Variants in RALY observed in about 807,000 individuals in gnomAD.
The protein encoded by RALY is RNA-binding protein Raly.
RALY carries 15 observed loss-of-function variants against 30.7 expected under a neutral mutation model. That is an observed-to-expected ratio of 0.49 (90% CI 0.33 to 0.75). The LOEUF is 0.75. RALY is among the 30% of genes least tolerant of loss of function. RALY has a pLI of 0.02. For synonymous variants in RALY, 177 were observed against 170.8 expected (o/e 1.04, Z -0.28); for missense variants, 339 against 414.3 (o/e 0.82, Z 1.58).
At chr20:34,038,640 T>C (rs1242969364) in intron 2 of RALY, among the ~76,000 whole-genome samples, 1 of 152,144 alleles carries the variant, frequency 6.6e-6, no homozygotes, top group Non-Finnish European at 1.5e-5. Flanking sequence ...ATAAAAGATA[T>C]CTGTGGTATA....
chr20:34,041,856 A>T (rs2032713196), intron 2 of RALY, among the ~76,000 whole-genome samples: 1 of 152,174 alleles, frequency 6.6e-6, no homozygotes, highest in African/African-American at 2.4e-5. Context: ...TGTAATTGCC[A>T]GCACTTTGGG....
chr20:34,003,858 C>T (rs1311490724), intron 1 of RALY, among the ~76,000 whole-genome samples: 1 of 151,984 alleles, frequency 6.6e-6, no homozygotes, highest in Non-Finnish European at 1.5e-5. Flanking sequence ...CCGGGATGGT[C>T]TCGATCTCCT....
At chr20:34,072,639 AC>A (rs920254100) in intron 3 of RALY, among the ~76,000 whole-genome samples, 2 of 152,184 alleles carry the variant, frequency 1.3e-5, no homozygotes, top group African/African-American at 4.8e-5. Context: ...ACAGCCTGTT[AC>A]ACCGGGTACA....
At position 34,047,457 on chromosome 20, in the gene RALY, G is replaced by A. The variant is rs180770537; in HGVS notation, c.-10+15853G>A. Among the ~76,000 whole-genome samples the A allele has an allele frequency of 1.6e-4, 24 of 152,296 alleles. No homozygotes were observed. In the East Asian group the frequency reaches 4.1e-3, roughly 26 times the overall value. On this transcript the variant is annotated intron_variant, in intron 2 of 9. Coordinates refer to ENST00000246194, the MANE Select transcript of RALY (RefSeq NM_016732.3). ...CATTGAATGGAAGGACTGGTGATGC[G>A]CAGCCACTCTTGCATGTGCCCGGGC...
intron 1 of RALY, among the ~76,000 whole-genome samples, chr20:34,010,136 T>G (rs1261789009): frequency 6.6e-6 from 1 of 152,150 alleles, no homozygotes; most frequent in Admixed American, 6.5e-5. Flanking sequence ...CAATCCCTAT[T>G]ATATATTTGT....
At chr20:34,043,885 C>T (rs1181056149) in intron 2 of RALY, among the ~76,000 whole-genome samples, 2 of 151,962 alleles carry the variant, frequency 1.3e-5, no homozygotes, top group Non-Finnish European at 2.9e-5. Context: ...TAGGCTAGAG[C>T]GATAATCACT....
At chr20:34,066,764 C>G (rs2033585236) in intron 2 of RALY, among the ~76,000 whole-genome samples, 1 of 151,998 alleles carries the variant, frequency 6.6e-6, no homozygotes, top group African/African-American at 2.4e-5. Flanking sequence ...CTCATCACTC[C>G]CAAAGCCCCA....
chr20:34,082,137 C>T lies in RALY; in HGVS notation c.*2232C>T, dbSNP rs2122355798. 6.6e-6 allele frequency: 1 copy of T among 152,476 alleles called. No homozygotes were observed. The highest frequency in any genetic ancestry group is 1.9e-4 in the East Asian group (1 of 5,184). 9.4% of individuals were successfully genotyped at this position (152,476 alleles called of 1,614,324 possible). On this transcript the variant is annotated 3_prime_UTR_variant, in exon 10 of 10. Coordinates refer to ENST00000246194, the MANE Select transcript of RALY (RefSeq NM_016732.3). Reference sequence around the variant, plus strand: ...AGGAGTGCCTCATCTCCCTGAAGAGCTCTCAGTGGAACATACTTCACCCAT... The same window carrying T: ...AGGAGTGCCTCATCTCCCTGAAGAGTTCTCAGTGGAACATACTTCACCCAT...
At position 34,025,659 on chromosome 20, in the gene RALY, C is replaced by A. The variant is rs184883055; in HGVS notation, c.-92-5863C>A. On this transcript the variant is annotated intron_variant, in intron 1 of 9. Transcript: ENST00000246194. ...CCTGGAGCTTGCTTATTCTAAACAACAAGAGTTCTGTAGGGACATGCTATT... is the reference window on the plus strand; with the variant it reads ...CCTGGAGCTTGCTTATTCTAAACAAAAAGAGTTCTGTAGGGACATGCTATT... Among the ~76,000 whole-genome samples, 243 of 150,014 alleles carry A rather than the reference C, an allele frequency of 1.6e-3. 3 individuals are homozygous for A. Among genetic ancestry groups the A allele is most frequent in the Non-Finnish European group, 2.7e-3 (185 of 67,564 alleles).
intron 2 of RALY, among the ~76,000 whole-genome samples, chr20:34,061,658 T>C (rs2033421060): frequency 6.6e-6 from 1 of 152,224 alleles, no homozygotes; most frequent in Non-Finnish European, 1.5e-5. Flanking sequence ...TTTTGGGGAT[T>C]ATTTGATGGT....
chr20:34,078,795 C>A (rs757106758), intron 9 of RALY, among the ~76,000 whole-genome samples: 4 of 152,156 alleles, frequency 2.6e-5, no homozygotes, highest in Non-Finnish European at 4.4e-5. Flanking sequence ...AGCAAGGGTT[C>A]CTTCCCTCAG....
At chr20:34,007,820 C>CAAAAAAAAAAAAA (rs10649045) in intron 1 of RALY, among the ~76,000 whole-genome samples, 1 of 101,608 alleles carries the variant, frequency 9.8e-6, no homozygotes, top group African/African-American at 3.5e-5. Flanking sequence ...AACTCCGTCT[C>CAAAAAAAAAAAAA]AAAAAAAAAA....
rs1601385960 is a variant in RALY at position 33,995,146 on chromosome 20, T to C, written c.-93+1015T>C. The stretch of plus-strand genomic sequence containing the variant: ...CCCTGACTTCTGGGCCGTTGTCCAC[T>C]ATACTGTGGATGAAATCCCATTCTG... On this transcript the variant is annotated intron_variant, in intron 1 of 9. Coordinates refer to ENST00000246194, the MANE Select transcript of RALY (RefSeq NM_016732.3). Among the ~76,000 whole-genome samples, 8 of 152,350 alleles carry C rather than the reference T, an allele frequency of 5.3e-5. 1 individual carries two copies. In the South Asian group the frequency reaches 1.7e-3, roughly 32 times the overall value.
chr20:34,072,959 T>TGTGTGTGTGTGTGTGAGA (rs142692706), intron 3 of RALY, among the ~76,000 whole-genome samples: 17 of 148,892 alleles, frequency 1.1e-4, no homozygotes, highest in African/African-American at 4.0e-4. Context: ...TGTGTGTGTG[T>TGTGTGTGTGTGTGTGAGA]GAGAGAGAGA....
intron 2 of RALY, among the ~76,000 whole-genome samples, chr20:34,041,133 A>G (rs943819665): frequency 1.3e-5 from 2 of 152,200 alleles, no homozygotes; most frequent in Non-Finnish European, 2.9e-5. Context: ...AGTGAAAAGT[A>G]TATTTGTCCT....
In RALY at chr20:33,999,136, A is replaced by G. The variant is rs547955877; in HGVS notation, c.-93+5005A>G. Among the ~76,000 whole-genome samples the G allele has an allele frequency of 2.9e-3, 445 of 151,850 alleles. 1 individual carries two copies. The highest frequency in any genetic ancestry group is 4.6e-3 in the Non-Finnish European group (310 of 67,884). ...GAGACTCCATCTCAAAAAAAAAAAA[A>G]AAAAAGGAAAGAAAAAAGGTGGAAT... On this transcript the variant is annotated intron_variant, in intron 1 of 9. Transcript: ENST00000246194.
intron 2 of RALY, among the ~76,000 whole-genome samples, chr20:34,041,345 C>G (rs568668144): frequency 6.6e-6 from 1 of 152,294 alleles, no homozygotes; most frequent in South Asian, 2.1e-4. Flanking sequence ...AATCTGTACT[C>G]AACAGTTTGC....
chr20:34,056,141 C>G (rs187053104), intron 2 of RALY, among the ~76,000 whole-genome samples: 1 of 152,338 alleles, frequency 6.6e-6, no homozygotes, highest in East Asian at 1.9e-4. Context: ...ACTCTAGTAT[C>G]ATCGGCATCA....
chr20:34,024,468 T>G (rs2031945537), intron 1 of RALY, among the ~76,000 whole-genome samples: 1 of 152,096 alleles, frequency 6.6e-6, no homozygotes, highest in Admixed American at 6.5e-5. Flanking sequence ...GCCCAGAAAA[T>G]GCAGAGGCAA....
Sources: gnomAD v4.1 joint callset for allele counts (sites outside exome capture counted in the v4.1 genomes callset) on GRCh38, gnomAD v4.1.1 for gene constraint, MANE v1.5 for transcripts, NCBI Gene and HGNC (gene_info 2026-07-23, HGNC 2026-07-21) for gene names.